The following DOP1B variants were observed in gnomAD, a reference collection of about 807,000 sequenced individuals.
DOP1B encodes the protein protein DOP1B.
Under a neutral mutation model 233.5 loss-of-function variants are expected in DOP1B, and 174 were observed. That is an observed-to-expected ratio of 0.75 (90% CI 0.66 to 0.85). The LOEUF (loss-of-function observed/expected upper bound fraction) is 0.85. Ranked by LOEUF, DOP1B falls within the 40% of genes least tolerant of loss-of-function variation. DOP1B has a pLI of 0.00. For missense variants in DOP1B, 2,652 were observed against 2,846.6 expected (o/e 0.93, Z 1.56); for synonymous variants, 1,190 against 1,185.6 (o/e 1.00, Z -0.08).
chr21:36,232,686 G>C, intron 14 of DOP1B, 118 bp from the exon 15 acceptor site: 1 of 1,406,418 alleles, frequency 7.1e-7, no homozygotes, highest in Admixed American at 2.0e-5. Context: ...GCGCACTGCT[G>C]TCCAGGTGGA....
intron 2 of DOP1B, among the ~76,000 whole-genome samples, chr21:36,168,439 C>T (rs1020436191): frequency 2.7e-4 from 41 of 152,242 alleles, no homozygotes; most frequent in African/African-American, 8.9e-4. Context: ...GAGGAGCCAC[C>T]AAATTGTTTT....
chr21:36,176,097 C>CGTGTGTGTGTGTGT lies in DOP1B; in HGVS notation c.138+11238_138+11251dup, dbSNP rs1555886143. 6.4e-3 allele frequency among the ~76,000 whole-genome samples: 910 copies of CGTGTGTGTGTGTGT among 141,834 alleles called. 13 individuals carry two copies. The highest frequency in any genetic ancestry group is 0.015 in the African/African-American group (573 of 38,874). 93.0% of individuals were successfully genotyped at this position (141,834 alleles called of 152,430 possible). A position where few individuals can be genotyped will look rare whatever the true frequency, so the allele number is the denominator to read the frequency against. On this transcript the variant is annotated intron_variant, in intron 2 of 36. Transcript: ENST00000691173. Reference sequence around the variant, plus strand: ...GAGCTTCGACTTTGGGGTGTGTGTGCGTGTGTGTGTGTGTGTGTGTGTGTG... The same window carrying CGTGTGTGTGTGTGT: ...GAGCTTCGACTTTGGGGTGTGTGTGCGTGTGTGTGTGTGTGTGTGTGTGTGTGTGTGTGTGTGTG...
rs562807960 is a variant in DOP1B at position 36,259,833 on chromosome 21, G to A, written c.5260-844G>A. Among the ~76,000 whole-genome samples, 14 of 152,198 alleles carry A rather than the reference G, an allele frequency of 9.2e-5. 1 individual carries two copies. Among genetic ancestry groups the A allele is most frequent in the Middle Eastern group, 6.8e-3 (2 of 294 alleles). ...TTTATCTAGCTGACTGATTTTTGGC[G>A]GTTCAAATAACAAAACTACATTTTG... On this transcript the variant is annotated intron_variant, in intron 23 of 36. Transcript: ENST00000691173.
intron 18 of DOP1B, among the ~76,000 whole-genome samples, chr21:36,244,477 T>C (rs2066931119): frequency 6.6e-6 from 1 of 152,082 alleles, no homozygotes; most frequent in Non-Finnish European, 1.5e-5. Context: ...CAGGCTGGAG[T>C]TCAGTGGCAC....
At position 36,246,498 on chromosome 21, in the gene DOP1B, T is replaced by C; in HGVS notation, c.4518T>C (p.Gly1506=). 1.2e-6 allele frequency: 2 copies of C among 1,613,926 alleles called. No individual in the cohort carries two copies. Among genetic ancestry groups the C allele is most frequent in the Non-Finnish European group, 1.7e-6 (2 of 1,179,992 alleles). ...TTCTGGTCTCTGCGGTGGTGAGGGG[T>C]CTGCAGCCCGCCTACGGTTACGGCA... ...QGLLVSAVVR[G]LQPAYGYGMH... Residue 1506 remains glycine (G), a synonymous_variant, in exon 19 of 37, where the codon GGT becomes GGC. Transcript: ENST00000691173. This position sits in a 1 kb window ranked among gnomAD's most constrained non-coding sequence, Gnocchi z 5.1.
chr21:36,219,906 T>C (rs2066605500), intron 10 of DOP1B, among the ~76,000 whole-genome samples: 1 of 150,686 alleles, frequency 6.6e-6, no homozygotes, highest in Non-Finnish European at 1.5e-5. Context: ...GGAAAGGGGA[T>C]GTGAGTCTTC....
chr21:36,191,042 T>G (rs1889708319), intron 2 of DOP1B, among the ~76,000 whole-genome samples: 1 of 152,078 alleles, frequency 6.6e-6, no homozygotes, highest in African/African-American at 2.4e-5. Flanking sequence ...AGCTCTTGCT[T>G]CTCCTCCTAG....
At chr21:36,231,971 A>C (rs2066771232) in intron 14 of DOP1B, among the ~76,000 whole-genome samples, 1 of 150,504 alleles carries the variant, frequency 6.6e-6, no homozygotes, top group Admixed American at 6.6e-5. Context: ...TCAGCCTCCC[A>C]AGTATCTGGG....
chr21:36,169,109 C>T (rs927402756), intron 2 of DOP1B: 5 of 868,534 alleles, frequency 5.8e-6, no homozygotes, highest in Non-Finnish European at 9.7e-6. Flanking sequence ...CTCCAGAGCC[C>T]ATCGTCTGGT....
intron 9 of DOP1B, among the ~76,000 whole-genome samples, chr21:36,219,156 A>G (rs866832038): frequency 6.6e-6 from 1 of 152,220 alleles, no homozygotes; most frequent in Non-Finnish European, 1.5e-5. Context: ...TGTCTGGCAC[A>G]CAGGAAGTTC....
intron 4 of DOP1B, among the ~76,000 whole-genome samples, chr21:36,207,366 A>C (rs1012102425): frequency 3.3e-5 from 5 of 151,316 alleles, no homozygotes; most frequent in Admixed American, 6.6e-5. Context: ...TGCATTTTTA[A>C]TAGAGATGGG....
Position 36,288,188 on chromosome 21 carries a change from A to G in DOP1B, c.6297+38A>G, listed in dbSNP as rs1243379256. On this transcript the variant is annotated intron_variant, in intron 33 of 36. Transcript: ENST00000691173. The stretch of plus-strand genomic sequence containing the variant: ...ATTGTAAGTTTGAAAGCAAGGTTGG[A>G]GCTTTTTAAAATGCTTTTTCAGTAA... The G allele has an allele frequency of 1.9e-6, 3 of 1,577,510 alleles. No individual in the cohort carries two copies. The East Asian group carries it at 6.8e-5, about 36-fold the overall frequency.
chr21:36,266,584 A>G (rs933014082), intron 26 of DOP1B, among the ~76,000 whole-genome samples: 1 of 150,572 alleles, frequency 6.6e-6, no homozygotes, highest in Non-Finnish European at 1.5e-5. Context: ...ACCACCCTCT[A>G]GGAACCTCCA....
intron 2 of DOP1B, among the ~76,000 whole-genome samples, chr21:36,197,830 T>G (rs1398943491): frequency 1.3e-5 from 2 of 151,334 alleles, no homozygotes; most frequent in Admixed American, 1.3e-4. Flanking sequence ...GCCAACATGG[T>G]GAAACCCCAT....
intron 2 of DOP1B, among the ~76,000 whole-genome samples, chr21:36,190,551 C>T (rs1005204763): frequency 2.6e-5 from 4 of 151,940 alleles, no homozygotes; most frequent in Non-Finnish European, 5.9e-5. Context: ...GCCTGTGCTA[C>T]TACGCCTGGC....
chr21:36,267,557 A>G (rs1260609699), intron 26 of DOP1B, among the ~76,000 whole-genome samples: 1 of 150,298 alleles, frequency 6.7e-6, no homozygotes, highest in Non-Finnish European at 1.5e-5. Flanking sequence ...GGTGGCATGC[A>G]CCTGTAGTCC....
intron 4 of DOP1B, among the ~76,000 whole-genome samples, chr21:36,201,411 G>A (rs145883367): frequency 0.049 from 6,773 of 138,448 alleles, 192 homozygotes; most frequent in Non-Finnish European, 0.056. Context: ...GCAGTGGTGC[G>A]ATCTCGGCTC....
At chr21:36,170,256 G>C (rs921596783) in intron 2 of DOP1B, 1 of 343,868 alleles carries the variant, frequency 2.9e-6, no homozygotes, top group Non-Finnish European at 5.4e-6. Flanking sequence ...ATAATTTTGA[G>C]CACCTTTTCA....
intron 22 of DOP1B, among the ~76,000 whole-genome samples, chr21:36,252,746 G>A (rs569428834): frequency 4.6e-5 from 7 of 152,158 alleles, no homozygotes; most frequent in African/African-American, 9.6e-5. Flanking sequence ...TCCTGACCTC[G>A]TGATCCGCCT....
Sources: gnomAD v4.1 joint callset for allele counts (sites outside exome capture counted in the v4.1 genomes callset) on GRCh38, gnomAD v4.1.1 for gene constraint, Gnocchi (gnomAD v3.1) non-coding constraint, MANE v1.5 for transcripts, NCBI Gene and HGNC (gene_info 2026-07-23, HGNC 2026-07-21) for gene names.